The following ROBO2 variants were observed in gnomAD, a reference collection of about 807,000 sequenced individuals.
ROBO2 encodes roundabout guidance receptor 2.
ROBO2 carries 53 observed loss-of-function variants against 160.8 expected under a neutral mutation model. That is an observed-to-expected ratio of 0.33 (90% CI 0.26 to 0.41). The LOEUF (loss-of-function observed/expected upper bound fraction) is 0.41, where lower values mean the gene tolerates loss of function less well. Ranked by LOEUF, ROBO2 falls within the 10% of genes least tolerant of loss-of-function variation. ROBO2 has a pLI of 1.00. For missense variants in ROBO2, 1,577 were observed against 1,722.4 expected (o/e 0.92, Z 1.49); for synonymous variants, 664 against 611.7 (o/e 1.09, Z -1.26).
At chr3:77,095,701 A>G (rs1559995626) in intron 1 of ROBO2, among the ~76,000 whole-genome samples, 1 of 152,178 alleles carries the variant, frequency 6.6e-6, no homozygotes, top group African/African-American at 2.4e-5. Context: ...AGACCTTTAC[A>G]TTGAGAATAT....
At chr3:76,626,282 T>C (rs2089635111) in intron 2 of ROBO2, among the ~76,000 whole-genome samples, 1 of 152,154 alleles carries the variant, frequency 6.6e-6, no homozygotes, top group Admixed American at 6.5e-5. Context: ...AAGTTGTATA[T>C]ATAAATCTGG....
intron 6 of ROBO2, among the ~76,000 whole-genome samples, chr3:77,534,037 T>C (rs528892783): frequency 2.0e-4 from 30 of 152,272 alleles, no homozygotes; most frequent in Non-Finnish European, 3.8e-4. Flanking sequence ...CTCACAATGA[T>C]GTTAGATAAT....
intron 2 of ROBO2, among the ~76,000 whole-genome samples, chr3:76,674,116 A>T (rs973125887): frequency 3.9e-5 from 6 of 152,100 alleles, no homozygotes; most frequent in Admixed American, 3.9e-4. Flanking sequence ...ACTCTTAAGT[A>T]ATACATAGTA....
At chr3:76,133,586 G>C (rs2106695606) in intron 2 of ROBO2, among the ~76,000 whole-genome samples, 1 of 152,184 alleles carries the variant, frequency 6.6e-6, no homozygotes, top group Admixed American at 6.5e-5. Context: ...CAAAAGTAGG[G>C]AAGCCGACAG....
chr3:76,707,724 T>C (rs2093197078), intron 2 of ROBO2, among the ~76,000 whole-genome samples: 1 of 93,546 alleles, frequency 1.1e-5, no homozygotes, highest in Non-Finnish European at 2.0e-5. Flanking sequence ...TTAGAATACA[T>C]GTGTGTGTAT....
At chr3:76,221,722 C>T (rs1051459849) in intron 2 of ROBO2, among the ~76,000 whole-genome samples, 2 of 152,100 alleles carry the variant, frequency 1.3e-5, no homozygotes, top group African/African-American at 2.4e-5. Flanking sequence ...ATGGTAAGAC[C>T]GATGGACTTC....
intron 2 of ROBO2, among the ~76,000 whole-genome samples, chr3:77,418,044 A>C (rs992722476): frequency 3.3e-5 from 5 of 152,182 alleles, no homozygotes; most frequent in Admixed American, 1.3e-4. Flanking sequence ...TACAAACTGA[A>C]CAATTAAATA....
At chr3:76,060,734 C>A (rs2068045436) in intron 2 of ROBO2, among the ~76,000 whole-genome samples, 4 of 152,144 alleles carry the variant, frequency 2.6e-5, no homozygotes. Context: ...TGAATTTTTT[C>A]AAGTCAGGAA....
chr3:75,920,985 A>G (rs1009145468), intron 1 of ROBO2, among the ~76,000 whole-genome samples: 1 of 151,712 alleles, frequency 6.6e-6, no homozygotes, highest in Non-Finnish European at 1.5e-5. Flanking sequence ...TCTTTATCCA[A>G]TTTTCCAGTC....
intron 2 of ROBO2, among the ~76,000 whole-genome samples, chr3:76,651,850 C>T (rs1215541618): frequency 6.6e-6 from 1 of 152,162 alleles, no homozygotes; most frequent in Non-Finnish European, 1.5e-5. Context: ...TCTTAGCTCT[C>T]AGCTTTTGCC....
chr3:77,052,484 G>A (rs1330605334), intron 1 of ROBO2, among the ~76,000 whole-genome samples: 1 of 152,188 alleles, frequency 6.6e-6, no homozygotes, highest in Non-Finnish European at 1.5e-5. Flanking sequence ...CTTCTGTTTT[G>A]AAGGGGGGAA....
chr3:76,439,600 C>T (rs1474103651), intron 2 of ROBO2, among the ~76,000 whole-genome samples: 1 of 151,940 alleles, frequency 6.6e-6, no homozygotes, highest in Non-Finnish European at 1.5e-5. Flanking sequence ...CAAGCAAAAA[C>T]AAAATAAAAC....
intron 2 of ROBO2, among the ~76,000 whole-genome samples, chr3:77,329,724 T>G (rs2065794638): frequency 6.6e-6 from 1 of 152,190 alleles, no homozygotes; most frequent in African/African-American, 2.4e-5. Context: ...TTCATCCAAT[T>G]TGTACAGTCA....
At chr3:77,477,287 T>C (rs2084125384) in intron 2 of ROBO2, 127 bp from the exon 3 acceptor site, 4 of 901,110 alleles carry the variant, frequency 4.4e-6, no homozygotes, top group Non-Finnish European at 7.5e-6. Context: ...GATGTAGCTA[T>C]GTTCTCAGTA....
At chr3:75,993,854 A>C (rs183945788) in intron 2 of ROBO2, among the ~76,000 whole-genome samples, 19 of 152,226 alleles carry the variant, frequency 1.2e-4, no homozygotes, top group African/African-American at 4.6e-4. Context: ...TCTTTCTCAT[A>C]TGTTCTTGCT....
At chr3:76,413,775 C>A (rs924587573) in intron 2 of ROBO2, among the ~76,000 whole-genome samples, 1 of 152,122 alleles carries the variant, frequency 6.6e-6, no homozygotes, top group African/African-American at 2.4e-5. Flanking sequence ...TTCTTCTGAG[C>A]CCTCCAAACT....
intron 2 of ROBO2, among the ~76,000 whole-genome samples, chr3:76,388,844 A>G (rs2077018355): frequency 6.6e-6 from 1 of 152,080 alleles, no homozygotes; most frequent in Non-Finnish European, 1.5e-5. Flanking sequence ...TATAGATATT[A>G]TCAGTGATAA....
intron 2 of ROBO2, among the ~76,000 whole-genome samples, chr3:77,027,333 C>G (rs1340968926): frequency 6.6e-6 from 1 of 152,172 alleles, no homozygotes; most frequent in Non-Finnish European, 1.5e-5. Context: ...AGTTAGGCCT[C>G]TATTCTAAAG....
chr3:76,373,379 T>A (rs1332481420), intron 2 of ROBO2, among the ~76,000 whole-genome samples: 1 of 151,948 alleles, frequency 6.6e-6, no homozygotes, highest in Non-Finnish European at 1.5e-5. Context: ...AAACAGAATA[T>A]CAGTTTGGCT....
Sources: allele counts gnomAD v4.1 joint callset (sites outside exome capture counted in the v4.1 genomes callset), GRCh38; gene constraint gnomAD v4.1.1; transcripts MANE v1.5; gene names NCBI Gene and HGNC (gene_info 2026-07-23, HGNC 2026-07-21).